AK5: variants seen among roughly 807,000 people sequenced by gnomAD.
AK5 encodes the protein adenylate kinase 5.
Under a neutral mutation model 69.5 loss-of-function variants are expected in AK5, and 27 were observed. The observed-to-expected ratio is 0.39, with a 90% CI of 0.29 to 0.54. The LOEUF (loss-of-function observed/expected upper bound fraction) is 0.54. AK5 is among the 20% of genes least tolerant of loss of function. The probability of loss-of-function intolerance (pLI) is 0.71; values close to 1 mark genes in which losing one functional copy is unlikely to be tolerated. For missense variants in AK5, 531 were observed against 700.4 expected (o/e 0.76, Z 2.73); for synonymous variants, 260 against 244.4 (o/e 1.06, Z -0.60).
chr1:77,369,809 T>C (rs2100471976), intron 6 of AK5, among the ~76,000 whole-genome samples: 1 of 152,332 alleles, frequency 6.6e-6, no homozygotes, highest in African/African-American at 2.4e-5. Flanking sequence ...TTTCAAAAAG[T>C]GTTTTGACAA....
At chr1:77,545,241 C>T (rs1426360207) in intron 13 of AK5, among the ~76,000 whole-genome samples, 1 of 152,064 alleles carries the variant, frequency 6.6e-6, no homozygotes, top group Admixed American at 6.5e-5. Flanking sequence ...CTTCTGTTCT[C>T]TTTCTCTCTT....
chr1:77,409,254 T>C (rs1649872803), intron 6 of AK5, among the ~76,000 whole-genome samples: 1 of 152,220 alleles, frequency 6.6e-6, no homozygotes, highest in South Asian at 2.1e-4. Context: ...GGGAGAATGG[T>C]TTATACTCCG....
At chr1:77,377,832 C>G (rs534474501) in intron 6 of AK5, among the ~76,000 whole-genome samples, 1 of 152,038 alleles carries the variant, frequency 6.6e-6, no homozygotes, top group Non-Finnish European at 1.5e-5. Flanking sequence ...TCTTGTTATC[C>G]TGTTAGCATC....
At chr1:77,391,495 G>GTGTGTGTATATATATATA (rs1425180466) in intron 6 of AK5, among the ~76,000 whole-genome samples, 2 of 63,452 alleles carry the variant, frequency 3.2e-5, no homozygotes, top group Non-Finnish European at 6.4e-5. Flanking sequence ...GTGTGTGTGT[G>GTGTGTGTATATATATATA]TATATATATA....
At chr1:77,355,376 T>C (rs1174057695) in intron 6 of AK5, among the ~76,000 whole-genome samples, 1 of 152,234 alleles carries the variant, frequency 6.6e-6, no homozygotes, top group Non-Finnish European at 1.5e-5. Context: ...ACTGCTCCAC[T>C]TCATATTCTG....
intron 8 of AK5, among the ~76,000 whole-genome samples, chr1:77,426,922 A>G (rs1430499868): frequency 6.6e-6 from 1 of 152,202 alleles, no homozygotes; most frequent in Non-Finnish European, 1.5e-5. Flanking sequence ...AAATGTTAAA[A>G]TATTTTGAAC....
At chr1:77,297,253 A>G (rs1188360639) in intron 3 of AK5, among the ~76,000 whole-genome samples, 8 of 152,204 alleles carry the variant, frequency 5.3e-5, no homozygotes, top group South Asian at 2.1e-4. Context: ...TAGATTTTAC[A>G]TAGAAAAAAG....
chr1:77,286,240 A>G (rs920986930), intron 1 of AK5, among the ~76,000 whole-genome samples: 12 of 151,862 alleles, frequency 7.9e-5, no homozygotes, highest in Admixed American at 3.3e-4. Context: ...CCCATTTTCT[A>G]AAAGAAGAAA....
intron 1 of AK5, among the ~76,000 whole-genome samples, chr1:77,286,612 G>A (rs546331554): frequency 3.9e-5 from 6 of 151,906 alleles, no homozygotes; most frequent in South Asian, 2.1e-4. Context: ...TTTGGAAGGC[G>A]GAGGTAGGTG....
intron 6 of AK5, among the ~76,000 whole-genome samples, chr1:77,385,352 G>T (rs546150950): frequency 5.9e-5 from 9 of 152,098 alleles, no homozygotes; most frequent in Non-Finnish European, 1.0e-4. Flanking sequence ...GTAGAGAGGG[G>T]GTTTCACCGT....
At chr1:77,376,445 A>AC (rs1340278060) in intron 6 of AK5, among the ~76,000 whole-genome samples, 2 of 103,674 alleles carry the variant, frequency 1.9e-5, no homozygotes, top group African/African-American at 7.8e-5. Context: ...AAAAAAAAAA[A>AC]AAAAACAAAA....
chr1:77,317,483 C>T (rs1660304521), intron 5 of AK5, among the ~76,000 whole-genome samples: 1 of 152,136 alleles, frequency 6.6e-6, no homozygotes, highest in Non-Finnish European at 1.5e-5. Flanking sequence ...TAAACCCCCA[C>T]ACCATAAAGC....
intron 8 of AK5, among the ~76,000 whole-genome samples, chr1:77,423,699 G>A (rs72681617): frequency 0.067 from 10,175 of 152,000 alleles, 500 homozygotes; most frequent in East Asian, 0.19. Flanking sequence ...GACAATATGA[G>A]AGTTAAAAAT....
intron 8 of AK5, among the ~76,000 whole-genome samples, chr1:77,426,483 C>G (rs1351424384): frequency 6.6e-6 from 1 of 152,048 alleles, no homozygotes; most frequent in East Asian, 1.9e-4. Flanking sequence ...ACACGTAAGG[C>G]AAAAACTAGT....
intron 5 of AK5, chr1:77,313,860 C>T (rs760595956): frequency 3.0e-5 from 16 of 532,758 alleles, no homozygotes; most frequent in African/African-American, 1.5e-4. Context: ...CTGCTCCCTG[C>T]GGGGTATGTC....
At chr1:77,357,493 C>T (rs1171702123) in intron 6 of AK5, among the ~76,000 whole-genome samples, 1 of 151,526 alleles carries the variant, frequency 6.6e-6, no homozygotes, top group East Asian at 1.9e-4. Context: ...ATGATCTAAT[C>T]AAAATATGTG....
chr1:77,534,778 T>A (rs1457706909), intron 12 of AK5, among the ~76,000 whole-genome samples: 1 of 152,196 alleles, frequency 6.6e-6, no homozygotes, highest in Non-Finnish European at 1.5e-5. Context: ...TGCACTATAA[T>A]TATGCCATGA....
intron 6 of AK5, among the ~76,000 whole-genome samples, chr1:77,404,550 A>G (rs1443146077): frequency 6.6e-6 from 1 of 152,208 alleles, no homozygotes; most frequent in Non-Finnish European, 1.5e-5. Context: ...AGTGGCAATT[A>G]TGATAATATT....
intron 6 of AK5, among the ~76,000 whole-genome samples, chr1:77,408,894 C>T (rs1169499243): frequency 6.6e-6 from 1 of 152,104 alleles, no homozygotes; most frequent in Admixed American, 6.6e-5. Context: ...GTTATATTTT[C>T]TGCTTCTCTG....
Sources: allele counts gnomAD v4.1 joint callset (sites outside exome capture counted in the v4.1 genomes callset), GRCh38; gene constraint gnomAD v4.1.1; transcripts MANE v1.5; gene names NCBI Gene and HGNC (gene_info 2026-07-23, HGNC 2026-07-21).